RBFOX1: variants seen among roughly 807,000 people sequenced by gnomAD.
The protein encoded by RBFOX1 is RNA binding protein fox-1 homolog 1.
In RBFOX1, 8 loss-of-function variants were observed where a neutral mutation model predicts 57.7. The ratio of observed to expected loss-of-function variants is 0.14; its 90% CI spans 0.08 to 0.25. The LOEUF is 0.25. Among genes scored for constraint, RBFOX1 ranks in the 10% least tolerant of loss-of-function variants. RBFOX1 has a pLI of 1.00. For missense variants in RBFOX1, 611 were observed against 548.5 expected (o/e 1.11, Z -1.14); for synonymous variants, 326 against 222.4 (o/e 1.47, Z -4.15).
intron 3 of RBFOX1, among the ~76,000 whole-genome samples, chr16:7,047,859 T>G (rs919692595): frequency 1.3e-5 from 2 of 151,642 alleles, no homozygotes; most frequent in African/African-American, 4.8e-5. Flanking sequence ...TTCAGTGAGA[T>G]TTTATTTTAT....
intron 14 of RBFOX1, among the ~76,000 whole-genome samples, chr16:7,706,124 CTCAAG>C (rs1298743086): frequency 6.6e-6 from 1 of 152,172 alleles, no homozygotes; most frequent in Non-Finnish European, 1.5e-5. Flanking sequence ...AAACGTAGCA[CTCAAG>C]TCCACATCTT....
intron 1 of RBFOX1, among the ~76,000 whole-genome samples, chr16:5,273,073 A>T (rs955915032): frequency 1.9e-4 from 29 of 152,188 alleles, no homozygotes; most frequent in African/African-American, 6.8e-4. Flanking sequence ...AATGCTGCCC[A>T]CTTAGAGAAA....
chr16:7,552,832 G>A (rs535801158), intron 5 of RBFOX1, among the ~76,000 whole-genome samples: 2 of 151,954 alleles, frequency 1.3e-5, no homozygotes, highest in South Asian at 4.2e-4. Flanking sequence ...ACAGTTTCCT[G>A]CCACAACCCC....
At chr16:6,699,214 AC>A (rs1383507725) in intron 3 of RBFOX1, among the ~76,000 whole-genome samples, 1 of 151,778 alleles carries the variant, frequency 6.6e-6, no homozygotes, top group African/African-American at 2.4e-5. Context: ...CATATGGACT[AC>A]TGTTCTGGGA....
intron 3 of RBFOX1, among the ~76,000 whole-genome samples, chr16:6,690,279 G>A (rs9934234): frequency 0.15 from 22,615 of 152,036 alleles, 1,810 homozygotes; most frequent in African/African-American, 0.21. Context: ...CTAGGATGTG[G>A]AGAAACAATG....
chr16:7,279,904 G>C (rs1045944869), intron 4 of RBFOX1, among the ~76,000 whole-genome samples: 1 of 152,194 alleles, frequency 6.6e-6, no homozygotes, highest in Non-Finnish European at 1.5e-5. Flanking sequence ...GGCTCATTAT[G>C]GTCCTGATCA....
intron 2 of RBFOX1, among the ~76,000 whole-genome samples, chr16:6,476,557 C>A (rs532442269): frequency 6.6e-6 from 1 of 152,246 alleles, no homozygotes; most frequent in African/African-American, 2.4e-5. Context: ...GACTTTATTG[C>A]TAAAATAAAA....
At chr16:7,436,421 G>T (rs2149737713) in intron 4 of RBFOX1, among the ~76,000 whole-genome samples, 1 of 152,236 alleles carries the variant, frequency 6.6e-6, no homozygotes, top group East Asian at 1.9e-4. Context: ...CAAAGGTTGG[G>T]GATGTGTGAA....
intron 4 of RBFOX1, among the ~76,000 whole-genome samples, chr16:7,266,050 C>G (rs1379198521): frequency 1.4e-5 from 2 of 143,748 alleles, no homozygotes; most frequent in Non-Finnish European, 3.0e-5. Flanking sequence ...TCTTGGCTCA[C>G]TGCAAGCTCC....
chr16:6,430,293 C>T (rs2094043002), intron 2 of RBFOX1, among the ~76,000 whole-genome samples: 1 of 152,106 alleles, frequency 6.6e-6, no homozygotes, highest in African/African-American at 2.4e-5. Context: ...TCAGTCTCTC[C>T]TCTTGAGGAG....
chr16:7,595,369 T>C (rs185505269), intron 7 of RBFOX1, among the ~76,000 whole-genome samples, 180 bp from the exon 8 acceptor site: 2 of 152,364 alleles, frequency 1.3e-5, no homozygotes, highest in East Asian at 1.9e-4. Context: ...AAAAATATCT[T>C]GTTCACATTT....
At chr16:6,572,916 C>A (rs747780421) in intron 2 of RBFOX1, among the ~76,000 whole-genome samples, 3 of 152,044 alleles carry the variant, frequency 2.0e-5, no homozygotes, top group Non-Finnish European at 2.9e-5. Flanking sequence ...TTACTAAGTG[C>A]CTACTTTGTT....
intron 4 of RBFOX1, among the ~76,000 whole-genome samples, chr16:7,373,632 T>C (rs1374839778): frequency 2.0e-5 from 3 of 151,842 alleles, no homozygotes; most frequent in Non-Finnish European, 4.4e-5. Context: ...AAACAGGGCT[T>C]CTGCTATTTT....
rs764621530 is a variant in RBFOX1 at position 6,658,936 on chromosome 16, GT to G, written c.-16+4294del. Among the ~76,000 whole-genome samples, 155 of 108,554 alleles carry G rather than the reference GT, an allele frequency of 1.4e-3. No homozygotes were observed. In the East Asian group the frequency reaches 0.02, roughly 14 times the overall value. The allele number at this position is 108,554 out of a possible 152,430, so 71.2% of individuals were successfully genotyped here. On this transcript the variant is annotated intron_variant, in intron 3 of 15. Transcript: ENST00000550418. ...TGTTTTTTTGTTTTTTGGTTTTTTTGTTTTTTTTGTTTTTTTTTTTCCTCCT... is the reference window on the plus strand; with the variant it reads ...TGTTTTTTTGTTTTTTGGTTTTTTTGTTTTTTTGTTTTTTTTTTTCCTCCT...
chr16:6,625,093 A>G (rs1057472908), intron 2 of RBFOX1, among the ~76,000 whole-genome samples: 2 of 133,392 alleles, frequency 1.5e-5, no homozygotes, highest in African/African-American at 5.5e-5. Context: ...TTAACCTGGG[A>G]GGCAAAAGTT....
intron 5 of RBFOX1, among the ~76,000 whole-genome samples, chr16:7,520,459 A>T (rs1429116191): frequency 6.6e-6 from 1 of 152,036 alleles, no homozygotes; most frequent in Admixed American, 6.6e-5. Flanking sequence ...GCAACCACCA[A>T]TCTGCCTTGG....
At chr16:5,917,973 A>G (rs1047556816) in intron 4 of RBFOX1, among the ~76,000 whole-genome samples, 1 of 151,980 alleles carries the variant, frequency 6.6e-6, no homozygotes, top group Non-Finnish European at 1.5e-5. Context: ...GTCACAAGTT[A>G]TGCTCTCCCC....
chr16:7,328,284 A>G (rs1208942917), intron 4 of RBFOX1, among the ~76,000 whole-genome samples: 2 of 152,018 alleles, frequency 1.3e-5, no homozygotes, highest in Non-Finnish European at 2.9e-5. Context: ...GTTCAAGACA[A>G]TCCTGGCCAA....
chr16:6,944,090 T>C (rs567335464), intron 3 of RBFOX1, among the ~76,000 whole-genome samples: 1 of 152,204 alleles, frequency 6.6e-6, no homozygotes, highest in South Asian at 2.1e-4. Flanking sequence ...AGGCCCAGGC[T>C]AGACTCTACT....
Sources: gnomAD v4.1 joint callset for allele counts (sites outside exome capture counted in the v4.1 genomes callset) on GRCh38, gnomAD v4.1.1 for gene constraint, MANE v1.5 for transcripts, NCBI Gene and HGNC (gene_info 2026-07-23, HGNC 2026-07-21) for gene names.